The following SPIRE1 variants were observed in gnomAD, a reference collection of about 807,000 sequenced individuals.
SPIRE1 encodes the protein protein spire homolog 1.
A neutral mutation model predicts 94.1 loss-of-function variants in SPIRE1; 40 were observed. That is an observed-to-expected ratio of 0.43 (90% CI 0.33 to 0.55). SPIRE1 has a LOEUF of 0.55. Ranked by LOEUF, SPIRE1 falls within the 20% of genes least tolerant of loss-of-function variation. SPIRE1 has a pLI of 0.06. For missense variants in SPIRE1, 838 were observed against 975.2 expected (o/e 0.86, Z 1.87); for synonymous variants, 376 against 371.7 (o/e 1.01, Z -0.13).
chr18:12,628,824 G>A (rs1193276759), intron 2 of SPIRE1, among the ~76,000 whole-genome samples: 2 of 152,098 alleles, frequency 1.3e-5, no homozygotes, highest in Non-Finnish European at 2.9e-5. Context: ...ATGAATGGGA[G>A]TTCACTCATG....
intron 2 of SPIRE1, among the ~76,000 whole-genome samples, chr18:12,627,472 T>C (rs150235170): frequency 1.3e-4 from 20 of 152,288 alleles, no homozygotes; most frequent in African/African-American, 3.9e-4. Context: ...CGATGGACAT[T>C]TGGGTTGGTT....
intron 9 of SPIRE1, among the ~76,000 whole-genome samples, chr18:12,482,939 C>CTA (rs71371263): frequency 7.8e-6 from 1 of 128,882 alleles, no homozygotes. Context: ...CTTAATTGCA[C>CTA]TTTTTTTTTT....
At chr18:12,637,859 AG>A (rs112950815) in intron 1 of SPIRE1, among the ~76,000 whole-genome samples, 2 of 152,342 alleles carry the variant, frequency 1.3e-5, no homozygotes, top group African/African-American at 4.8e-5. Flanking sequence ...AGGGCATAAG[AG>A]TCTATAAAAT....
At chr18:12,474,743 C>T (rs561907076) in intron 10 of SPIRE1, among the ~76,000 whole-genome samples, 5 of 152,044 alleles carry the variant, frequency 3.3e-5, no homozygotes, top group South Asian at 2.1e-4. Flanking sequence ...TGCTTGAACC[C>T]GGGAGTCGGA....
At position 12,657,686 on chromosome 18, in the gene SPIRE1, C is replaced by T. The variant is rs1354068841; in HGVS notation, c.181G>A (p.Val61Met). The part of the protein sequence containing the change: ...QPINEEQAWA[V>M]CYQCCGSLRA... ...AGGGAACCGCAGCACTGGTAGCACA[C>T]GGCCCACGCCTGCTCCTCGTTGATG... The change falls in exon 1 of 17, where the codon GTG (valine) becomes ATG (methionine). Residue 61 changes from valine to methionine, a missense_variant. Physicochemically the swap from Val to Met is conservative, Grantham distance 21 (BLOSUM62 1). Transcript: ENST00000409402. 1 of 1,373,160 alleles carries T rather than the reference C, an allele frequency of 7.3e-7. No individual in the cohort carries two copies. The highest frequency in any genetic ancestry group is 9.5e-7 in the Non-Finnish European group (1 of 1,056,454). 85.1% of individuals were successfully genotyped at this position (1,373,160 alleles called of 1,614,324 possible).
At chr18:12,557,782 C>T (rs1263023408) in intron 2 of SPIRE1, among the ~76,000 whole-genome samples, 2 of 151,872 alleles carry the variant, frequency 1.3e-5, no homozygotes, top group Non-Finnish European at 2.9e-5. Flanking sequence ...TACAAAGCTA[C>T]AGTAACCAAA....
intron 2 of SPIRE1, among the ~76,000 whole-genome samples, chr18:12,576,686 G>A (rs1368101110): frequency 6.7e-6 from 1 of 150,270 alleles, no homozygotes; most frequent in Admixed American, 6.6e-5. Flanking sequence ...TCAGGAGATC[G>A]AGACCATCCT....
chr18:12,492,270 C>T (rs1406584678), intron 8 of SPIRE1, among the ~76,000 whole-genome samples: 1 of 152,132 alleles, frequency 6.6e-6, no homozygotes, highest in Non-Finnish European at 1.5e-5. Context: ...GGTCACAAAA[C>T]CAGATCCTTT....
intron 2 of SPIRE1, among the ~76,000 whole-genome samples, chr18:12,633,457 T>A (rs1009690501): frequency 2.0e-5 from 3 of 151,980 alleles, no homozygotes; most frequent in African/African-American, 7.2e-5. Flanking sequence ...GTGCCTGTAG[T>A]CCCAGCGACT....
chr18:12,490,925 C>A (rs1014361151), intron 8 of SPIRE1, among the ~76,000 whole-genome samples: 1 of 151,896 alleles, frequency 6.6e-6, no homozygotes, highest in African/African-American at 2.4e-5. Flanking sequence ...GTAGTTCTAG[C>A]CAGAGCAGTT....
At chr18:12,649,644 A>G (rs2038321970) in intron 1 of SPIRE1, among the ~76,000 whole-genome samples, 1 of 152,200 alleles carries the variant, frequency 6.6e-6, no homozygotes, top group South Asian at 2.1e-4. Context: ...TCCATATATA[A>G]CAAGCAGAGT....
intron 2 of SPIRE1, among the ~76,000 whole-genome samples, chr18:12,557,405 A>G (rs974699543): frequency 2.6e-5 from 4 of 152,160 alleles, no homozygotes; most frequent in African/African-American, 9.7e-5. Context: ...TAAGCCCCTC[A>G]CTGCCCAGGG....
intron 8 of SPIRE1, among the ~76,000 whole-genome samples, chr18:12,492,812 G>A (rs2033284188): frequency 1.3e-5 from 2 of 152,046 alleles, no homozygotes; most frequent in African/African-American, 2.4e-5. Context: ...TTTCAATTAC[G>A]GCACGATGTT....
chr18:12,574,988 T>C (rs2036056380), intron 2 of SPIRE1, among the ~76,000 whole-genome samples: 1 of 152,158 alleles, frequency 6.6e-6, no homozygotes, highest in African/African-American at 2.4e-5. Context: ...GCAAGGGCAA[T>C]CTGGGTGAGT....
At chr18:12,626,309 T>C (rs1355688421) in intron 2 of SPIRE1, among the ~76,000 whole-genome samples, 6 of 152,186 alleles carry the variant, frequency 3.9e-5, no homozygotes. Flanking sequence ...GATGTATTTC[T>C]TGGCTTCTCT....
chr18:12,603,615 C>T (rs868596547), intron 2 of SPIRE1, among the ~76,000 whole-genome samples: 1 of 151,492 alleles, frequency 6.6e-6, no homozygotes, highest in Middle Eastern at 3.4e-3. Context: ...CACTCTATTC[C>T]CCAGGCTGCA....
intron 2 of SPIRE1, among the ~76,000 whole-genome samples, chr18:12,552,649 A>G (rs1444544071): frequency 6.6e-6 from 1 of 152,110 alleles, no homozygotes; most frequent in Non-Finnish European, 1.5e-5. Context: ...AGCACTGTGA[A>G]GATCCCTGTC....
At chr18:12,655,561 A>C (rs921717521) in intron 1 of SPIRE1, among the ~76,000 whole-genome samples, 2 of 152,226 alleles carry the variant, frequency 1.3e-5, no homozygotes, top group Admixed American at 6.5e-5. Flanking sequence ...GAGAATTATA[A>C]ACCTATTGCG....
intron 2 of SPIRE1, among the ~76,000 whole-genome samples, chr18:12,590,575 G>A (rs2036506209): frequency 6.6e-6 from 1 of 152,126 alleles, no homozygotes; most frequent in African/African-American, 2.4e-5. Context: ...TATTTAAATT[G>A]AAAACAGAGT....
Sources: allele counts gnomAD v4.1 joint callset (sites outside exome capture counted in the v4.1 genomes callset), GRCh38; gene constraint gnomAD v4.1.1; transcripts MANE v1.5; gene names NCBI Gene and HGNC (gene_info 2026-07-23, HGNC 2026-07-21).